The following UGP2 variants were observed in gnomAD, a reference collection of about 807,000 sequenced individuals.
UGP2 encodes UDP-glucose pyrophosphorylase 2.
A neutral mutation model predicts 49.0 loss-of-function variants in UGP2; 40 were observed. The observed-to-expected ratio is 0.82, with a 90% CI of 0.63 to 1.06. UGP2 has a LOEUF of 1.06. UGP2 is among the 50% of genes least tolerant of loss of function. The probability of loss-of-function intolerance (pLI) is 0.00; values close to 1 mark genes in which losing one functional copy is unlikely to be tolerated. For synonymous variants in UGP2, 225 were observed against 213.0 expected (o/e 1.06, Z -0.49); for missense variants, 460 against 603.5 (o/e 0.76, Z 2.49).
chr2:63,882,694 T>G (rs778172828), intron 4 of UGP2, 43 bp downstream of exon 4: 1 of 1,446,660 alleles, frequency 6.9e-7, no homozygotes, highest in Non-Finnish European at 9.2e-7. Context: ...TAAAATAGTT[T>G]TTAGTTTTTA....
chr2:63,874,384 G>A (rs1670766407), intron 3 of UGP2, among the ~76,000 whole-genome samples: 1 of 152,164 alleles, frequency 6.6e-6, no homozygotes, highest in African/African-American at 2.4e-5. Context: ...ACAGGACTTG[G>A]TCATTGATCA....
chr2:63,878,798 T>C (rs983923219), intron 3 of UGP2, among the ~76,000 whole-genome samples: 1 of 152,184 alleles, frequency 6.6e-6, no homozygotes, highest in African/African-American at 2.4e-5. Flanking sequence ...ACTCCTGGGC[T>C]TAAGTGATCC....
chr2:63,859,688 T>C (rs557091342), intron 3 of UGP2, among the ~76,000 whole-genome samples: 1 of 152,332 alleles, frequency 6.6e-6, no homozygotes, highest in South Asian at 2.1e-4. Flanking sequence ...AATAGAAATA[T>C]AAAATAAATT....
At chr2:63,875,308 C>T (rs144536364) in intron 3 of UGP2, among the ~76,000 whole-genome samples, 1 of 152,288 alleles carries the variant, frequency 6.6e-6, no homozygotes, top group Admixed American at 6.5e-5. Context: ...AAAATTCTTT[C>T]AGATTGCAAT....
At chr2:63,863,651 A>G (rs146989896) in intron 3 of UGP2, among the ~76,000 whole-genome samples, 2,681 of 152,336 alleles carry the variant, frequency 0.018, 33 homozygotes, top group Non-Finnish European at 0.022. Context: ...AAAAAGTTGC[A>G]AAGATACACT....
intron 3 of UGP2, among the ~76,000 whole-genome samples, chr2:63,873,852 A>G (rs1478525231): frequency 1.3e-5 from 2 of 152,220 alleles, no homozygotes; most frequent in East Asian, 1.9e-4. Context: ...GAGAGAGGCA[A>G]TCCAGAGTTA....
intron 1 of UGP2, among the ~76,000 whole-genome samples, chr2:63,846,642 A>G (rs752383936): frequency 1.3e-5 from 2 of 152,148 alleles, no homozygotes; most frequent in Non-Finnish European, 2.9e-5. Context: ...CTCCTATTTG[A>G]TAGATGGCAG....
intron 3 of UGP2, among the ~76,000 whole-genome samples, chr2:63,874,751 T>C (rs566860707): frequency 6.6e-6 from 1 of 152,018 alleles, no homozygotes; most frequent in South Asian, 2.1e-4. Flanking sequence ...CTCGTTTCAT[T>C]AGTTATAGTG....
At chr2:63,866,443 A>G (rs1184211933) in intron 3 of UGP2, among the ~76,000 whole-genome samples, 1 of 152,242 alleles carries the variant, frequency 6.6e-6, no homozygotes, top group Non-Finnish European at 1.5e-5. Flanking sequence ...ATATGTGCTC[A>G]GTGTAGCAGG....
chr2:63,876,823 T>A (rs1388591922), intron 3 of UGP2, among the ~76,000 whole-genome samples: 1 of 152,266 alleles, frequency 6.6e-6, no homozygotes, highest in Non-Finnish European at 1.5e-5. Flanking sequence ...ATTCTTAATG[T>A]TGTCCGTGGA....
rs746724286 is a variant in UGP2, at chr2:63,857,826, C to T, written c.148-3C>T. The T allele has an allele frequency of 1.9e-6, 3 of 1,613,072 alleles. No individual in the cohort carries two copies. Among genetic ancestry groups the T allele is most frequent in the Non-Finnish European group, 1.7e-6 (2 of 1,179,568 alleles). ...GTTGTAACAATGACTTCTATTTTCA[C>T]AGCACACCAAAAAAGACCTGGATGG... On this transcript the variant is annotated splice_polypyrimidine_tract_variant and splice_region_variant and intron_variant, in intron 2 of 9. Transcript: ENST00000337130.
chr2:63,860,021 C>T (rs1669724499), intron 3 of UGP2, among the ~76,000 whole-genome samples: 1 of 152,180 alleles, frequency 6.6e-6, no homozygotes, highest in Admixed American at 6.5e-5. Flanking sequence ...CTTCTAGCCT[C>T]CTCGTCCTAC....
At chr2:63,854,988 G>C in intron 1 of UGP2, 1 of 153,204 alleles carries the variant, frequency 6.5e-6, no homozygotes, top group Non-Finnish European at 1.5e-5. Flanking sequence ...ATAGTGACTT[G>C]GGTTCTGTGT....
At chr2:63,857,428 A>G (rs1381208168) in intron 2 of UGP2, 10 of 314,982 alleles carry the variant, frequency 3.2e-5, no homozygotes, top group Middle Eastern at 1.2e-3. Context: ...CAGTGGTGCA[A>G]TCTCTGCTCA....
At chr2:63,856,492 T>C in intron 2 of UGP2, 59 bp downstream of exon 2, 2 of 1,427,366 alleles carry the variant, frequency 1.4e-6, no homozygotes, top group Non-Finnish European at 1.9e-6. Flanking sequence ...GTCTTCATGC[T>C]GAGTTGCTGC....
intron 1 of UGP2, among the ~76,000 whole-genome samples, chr2:63,846,681 A>G (rs1257844394): frequency 2.0e-5 from 3 of 152,230 alleles, no homozygotes; most frequent in Non-Finnish European, 4.4e-5. Flanking sequence ...TGAGCTAATT[A>G]TAACTGGAGG....
At chr2:63,847,083 AT>A (rs2104244637) in intron 1 of UGP2, among the ~76,000 whole-genome samples, 1 of 152,344 alleles carries the variant, frequency 6.6e-6, no homozygotes, top group South Asian at 2.1e-4. Context: ...TTCTAATAAG[AT>A]GGATGATTTT....
intron 1 of UGP2, among the ~76,000 whole-genome samples, chr2:63,852,699 T>C (rs1219141377): frequency 6.6e-6 from 1 of 152,174 alleles, no homozygotes. Context: ...GTAAAAATGC[T>C]AGGGGAACTA....
At chr2:63,870,263 T>C (rs1361434746) in intron 3 of UGP2, among the ~76,000 whole-genome samples, 1 of 152,188 alleles carries the variant, frequency 6.6e-6, no homozygotes, top group African/African-American at 2.4e-5. Context: ...TGGGAGTTAA[T>C]AGCTGGGAAA....
Sources: gnomAD v4.1 joint callset for allele counts (sites outside exome capture counted in the v4.1 genomes callset) on GRCh38, gnomAD v4.1.1 for gene constraint, MANE v1.5 for transcripts, NCBI Gene and HGNC (gene_info 2026-07-23, HGNC 2026-07-21) for gene names.